PTGER3: variants seen among roughly 807,000 people sequenced by gnomAD.
PTGER3 encodes prostaglandin E receptor 3.
A neutral mutation model predicts 34.7 loss-of-function variants in PTGER3; 22 were observed. The ratio of observed to expected loss-of-function variants is 0.63; its 90% CI spans 0.45 to 0.91. The LOEUF is 0.91. Among genes scored for constraint, PTGER3 ranks in the 40% least tolerant of loss-of-function variants. The pLI is 0.00. For synonymous variants in PTGER3, 241 were observed against 230.1 expected (o/e 1.05, Z -0.43); for missense variants, 468 against 519.4 (o/e 0.90, Z 0.96).
chr1:70,920,216 TTA>T (rs1647394375), intron 4 of PTGER3, among the ~76,000 whole-genome samples: 2 of 152,172 alleles, frequency 1.3e-5, no homozygotes, highest in Non-Finnish European at 2.9e-5. Flanking sequence ...AAGAAACAAA[TTA>T]AGTGTCTCTA....
intron 1 of PTGER3, among the ~76,000 whole-genome samples, chr1:71,044,151 C>G (rs1480343160): frequency 6.6e-6 from 1 of 150,584 alleles, no homozygotes; most frequent in Non-Finnish European, 1.5e-5. Context: ...TCTCATTTCT[C>G]CTAGGCCGGG....
intron 2 of PTGER3, chr1:71,010,212 C>G: frequency 6.1e-6 from 6 of 983,860 alleles, no homozygotes; most frequent in Non-Finnish European, 7.2e-6. Flanking sequence ...TTGGAAGTAT[C>G]AGTCTCCTAA....
At chr1:70,951,504 G>T (rs1212922277), downstream of PTGER3, 1 of 152,170 alleles carries the variant, frequency 6.6e-6, no homozygotes, top group Non-Finnish European at 1.5e-5. Context: ...GGATTTGTAG[G>T]ATATTTGCAT....
At chr1:70,858,418 C>T (rs906188172) in intron 4 of PTGER3, among the ~76,000 whole-genome samples, 3 of 152,034 alleles carry the variant, frequency 2.0e-5, no homozygotes, top group African/African-American at 7.3e-5. Flanking sequence ...CTCTGAAAAC[C>T]TCGTTTCTGT....
chr1:70,962,484 A>AT (rs1304748927), intron 2 of PTGER3, among the ~76,000 whole-genome samples: 2 of 148,570 alleles, frequency 1.3e-5, no homozygotes, highest in Admixed American at 1.3e-4. Context: ...GGCAATCTAT[A>AT]AAAAAAAAAG....
At chr1:71,008,565 T>C in intron 2 of PTGER3, 1 of 976,856 alleles carries the variant, frequency 1.0e-6, no homozygotes, top group African/African-American at 1.8e-5. Context: ...TGAGTTTAGG[T>C]TGGTTATTAA....
chr1:70,981,508 G>C (rs553945128), intron 2 of PTGER3, among the ~76,000 whole-genome samples: 2 of 151,500 alleles, frequency 1.3e-5, no homozygotes, highest in South Asian at 4.2e-4. Context: ...GACATCCTGG[G>C]CTCAAGCCTC....
intron 4 of PTGER3, among the ~76,000 whole-genome samples, chr1:70,907,067 C>T (rs906688076): frequency 1.3e-5 from 2 of 152,190 alleles, no homozygotes; most frequent in Non-Finnish European, 2.9e-5. Flanking sequence ...AGTCACAAGA[C>T]ATCAGTTCAC....
intron 4 of PTGER3, among the ~76,000 whole-genome samples, chr1:70,900,652 G>C (rs1377065690): frequency 6.6e-6 from 1 of 152,062 alleles, no homozygotes; most frequent in Non-Finnish European, 1.5e-5. Flanking sequence ...ATGCAGCTTG[G>C]CACGTCATTA....
At chr1:70,956,854 G>T (rs1295749065) in intron 2 of PTGER3, among the ~76,000 whole-genome samples, 4 of 152,118 alleles carry the variant, frequency 2.6e-5, no homozygotes, top group Admixed American at 6.6e-5. Flanking sequence ...AATTAGCCAG[G>T]TGAGGTGGCC....
At chr1:70,933,023 A>G (rs1648866429) in intron 4 of PTGER3, among the ~76,000 whole-genome samples, 3 of 152,126 alleles carry the variant, frequency 2.0e-5, no homozygotes, top group Admixed American at 6.6e-5. Context: ...TTATATTTTA[A>G]TATTATATCT....
chr1:70,950,494 C>A (rs1383787765), downstream of PTGER3, among the ~76,000 whole-genome samples: 1 of 152,050 alleles, frequency 6.6e-6, no homozygotes, highest in Non-Finnish European at 1.5e-5. Flanking sequence ...GCTCACCTTT[C>A]ACGGGAAAAA....
intron 2 of PTGER3, chr1:71,007,098 C>G: frequency 1.0e-6 from 1 of 984,782 alleles, no homozygotes; most frequent in Non-Finnish European, 1.2e-6. Flanking sequence ...ATAAAAGAGA[C>G]TTTTCCATTT....
At chr1:70,897,289 C>A (rs938866388) in intron 4 of PTGER3, among the ~76,000 whole-genome samples, 1 of 152,130 alleles carries the variant, frequency 6.6e-6, no homozygotes, top group Non-Finnish European at 1.5e-5. Context: ...TGAAGAAAAT[C>A]TAACCGGCAA....
chr1:70,928,017 C>A (rs373355438), intron 4 of PTGER3, among the ~76,000 whole-genome samples: 2 of 151,568 alleles, frequency 1.3e-5, no homozygotes, highest in Non-Finnish European at 2.9e-5. Flanking sequence ...TACTGAGCAA[C>A]GTTTATCTAC....
chr1:70,876,020 T>C (rs1646264989), intron 4 of PTGER3, among the ~76,000 whole-genome samples: 1 of 152,196 alleles, frequency 6.6e-6, no homozygotes, highest in Admixed American at 6.5e-5. Flanking sequence ...ACTGCAGTGC[T>C]TTCCACAATG....
At chr1:70,927,313 G>T (rs939492109) in intron 4 of PTGER3, among the ~76,000 whole-genome samples, 3 of 152,108 alleles carry the variant, frequency 2.0e-5, no homozygotes, top group Non-Finnish European at 4.4e-5. Flanking sequence ...TCTGGTCCTG[G>T]ACTCTTTTTG....
At chr1:70,932,883 C>T (rs927636025) in intron 4 of PTGER3, among the ~76,000 whole-genome samples, 2 of 152,126 alleles carry the variant, frequency 1.3e-5, no homozygotes, top group African/African-American at 2.4e-5. Flanking sequence ...TCTAAATTTC[C>T]CTTCTGTACA....
At chr1:70,974,177 T>C (rs1042764181) in intron 3 of PTGER3, 120 bp downstream of exon 3, 1 of 1,369,336 alleles carries the variant, frequency 7.3e-7, no homozygotes, top group Non-Finnish European at 9.8e-7. Flanking sequence ...TAATCAGATG[T>C]ATATGTTTAA....
Sources: allele counts gnomAD v4.1 joint callset (sites outside exome capture counted in the v4.1 genomes callset), GRCh38; gene constraint gnomAD v4.1.1; transcripts MANE v1.5; gene names NCBI Gene and HGNC (gene_info 2026-07-23, HGNC 2026-07-21).